Variants in UBA6 observed in about 807,000 individuals in gnomAD.
The protein encoded by UBA6 is ubiquitin-like modifier-activating enzyme 6.
In UBA6, 87 loss-of-function variants were observed where a neutral mutation model predicts 148.3. That is an observed-to-expected ratio of 0.59 (90% CI 0.49 to 0.70). The LOEUF (loss-of-function observed/expected upper bound fraction) is 0.70. UBA6 is among the 30% of genes least tolerant of loss of function. UBA6 has a pLI of 0.00. For missense variants in UBA6, 1,186 were observed against 1,241.2 expected, an observed-to-expected ratio of 0.96 and a Z score of 0.67; for synonymous variants, 376 against 401.0, an observed-to-expected ratio of 0.94 and a Z score of 0.75.
At chr4:67,651,229 T>C (rs1201283131) in intron 13 of UBA6, among the ~76,000 whole-genome samples, 3 of 151,918 alleles carry the variant, frequency 2.0e-5, no homozygotes, top group Non-Finnish European at 4.4e-5. Flanking sequence ...CTTGGCAACG[T>C]AGGGGAAAAA....
chr4:67,649,680 G>A lies in UBA6; in HGVS notation c.1105-469C>T, dbSNP rs1729506566. ...GTGTTGAAAGTTGTAAATAAAAACT[G>A]CAATTAATAATAACACAATACACTT... On this transcript the variant is annotated intron_variant, in intron 13 of 32. Transcript: ENST00000322244. Among the ~76,000 whole-genome samples the A allele has an allele frequency of 2.0e-5, 3 of 151,964 alleles. No individual in the cohort carries two copies. In the South Asian group the frequency reaches 6.2e-4, roughly 32 times the overall value.
Position 67,631,871 on chromosome 4 carries a change from C to T in UBA6, c.2180G>A (p.Arg727Gln), listed in dbSNP as rs200739751. The T allele has an allele frequency of 1.3e-4, 207 of 1,611,534 alleles. No individual in the cohort carries two copies. Among genetic ancestry groups the T allele is most frequent in the African/African-American group, 3.3e-4 (25 of 74,786 alleles). The change falls in exon 24 of 33, where the codon CGA becomes CAA. Residue 727 changes from arginine to glutamine, a missense_variant. Arg to Gln is a conservative substitution (Grantham distance 43). Coordinates refer to ENST00000322244, the MANE Select transcript of UBA6 (RefSeq NM_018227.6). ...QLLHCFPLDI[R>Q]LKDGSLFWQS... ...TTTATACTTACTGCCATCTTTTAAT[C>T]GTATGTCCAGAGGGAAACAGTGAAG...
In UBA6 at chr4:67,633,148, AT is replaced by A. The variant is rs1384340752; in HGVS notation, c.2142+196del. Among the ~76,000 whole-genome samples the A allele has an allele frequency of 7.9e-5, 12 of 152,188 alleles. 1 individual carries two copies. The highest frequency in any genetic ancestry group is 1.8e-4 in the Non-Finnish European group (12 of 67,990). On this transcript the variant is annotated intron_variant, in intron 23 of 32. Transcript: ENST00000322244. ...GCAAAATTTCTGACTAAATGTCCCT[AT>A]TTTCTCAGTTTCTTGCTTCTTCTAT...
At chr4:67,624,949 G>C (rs774995357) in intron 29 of UBA6, 45 bp downstream of exon 29, 2 of 1,514,190 alleles carry the variant, frequency 1.3e-6, no homozygotes, top group South Asian at 2.5e-5. Context: ...TCAGGGAAGA[G>C]GCAATGAAAA....
At chr4:67,650,408 A>G (rs1399169666) in intron 13 of UBA6, among the ~76,000 whole-genome samples, 1 of 151,986 alleles carries the variant, frequency 6.6e-6, no homozygotes, top group African/African-American at 2.4e-5. Flanking sequence ...AGGTTATGCA[A>G]CCTCCCAGGA....
Position 67,663,952 on chromosome 4 carries a change from TAGGA to T in UBA6, c.898-9_898-6del, listed in dbSNP as rs1729927375. 1 of 1,610,472 alleles carries T rather than the reference TAGGA, an allele frequency of 6.2e-7. No homozygotes were observed. Among genetic ancestry groups the T allele is most frequent in the East Asian group, 2.2e-5 (1 of 44,750 alleles). On this transcript the variant is annotated splice_polypyrimidine_tract_variant and splice_region_variant and intron_variant, in intron 10 of 32. Coordinates refer to ENST00000322244, the MANE Select transcript of UBA6 (RefSeq NM_018227.6). ...TAACTGCCTCTCCAGTGATTCCTGA[TAGGA>T]AGGAAAAAGTCATTACTTCAGAGTG... is the stretch of plus-strand genomic sequence containing the variant.
chr4:67,673,776 C>A lies in UBA6; in HGVS notation c.467G>T (p.Cys156Phe). The change falls in exon 7 of 33, where the codon TGT becomes TTT. Residue 156 changes from cysteine (C) to phenylalanine (F), a missense_variant and splice_region_variant. By Grantham distance (205) the Cys-to-Phe change is radical. Coordinates refer to ENST00000322244, the MANE Select transcript of UBA6 (RefSeq NM_018227.6). Reference protein sequence around the residue: ...TDLSFLDKYQCVVLTEMKLPL... With the variant: ...TDLSFLDKYQFVVLTEMKLPL... ...AAGTTTCATCTCAGTCAATACTACA[C>A]ACTGTTGAGAAAACAACAAATTAAA... is the stretch of plus-strand genomic sequence containing the variant. 6.2e-7 allele frequency: 1 copy of A among 1,601,726 alleles called. No homozygotes were observed. Among genetic ancestry groups the A allele is most frequent in the Non-Finnish European group, 8.5e-7 (1 of 1,172,666 alleles).
At chr4:67,659,397 G>C (rs1349921714) in intron 13 of UBA6, among the ~76,000 whole-genome samples, 2 of 152,024 alleles carry the variant, frequency 1.3e-5, no homozygotes, top group Non-Finnish European at 2.9e-5. Flanking sequence ...CTCCCATGCT[G>C]TTCTGATGAT....
chr4:67,691,259 T>C (rs1251239241), intron 2 of UBA6, among the ~76,000 whole-genome samples: 4 of 151,486 alleles, frequency 2.6e-5, no homozygotes, highest in Admixed American at 1.3e-4. Flanking sequence ...CCATAAAATA[T>C]ACACAAATTA....
rs1025798640 is a variant in UBA6 at position 67,677,017 on chromosome 4, G to A, written c.465+594C>T. The stretch of plus-strand genomic sequence containing the variant: ...ATAATAGATTGAACTACTGATCCAT[G>A]TATTTTTACTCCCCTGTAATTGTAC... On this transcript the variant is annotated intron_variant, in intron 6 of 32. Coordinates refer to ENST00000322244, the MANE Select transcript of UBA6 (RefSeq NM_018227.6). Among the ~76,000 whole-genome samples the A allele has an allele frequency of 2.6e-5, 4 of 152,054 alleles. No individual in the cohort carries two copies. In the East Asian group the frequency reaches 7.7e-4, roughly 29 times the overall value.
intron 2 of UBA6, among the ~76,000 whole-genome samples, chr4:67,684,810 C>A (rs929046200): frequency 1.3e-5 from 2 of 152,136 alleles, no homozygotes; most frequent in Non-Finnish European, 2.9e-5. Context: ...CTGTGCCTGG[C>A]ATGTAATAAT....
chr4:67,624,237 A>G lies in UBA6; in HGVS notation c.2729T>C (p.Ile910Thr). 1 of 1,608,612 alleles carries G rather than the reference A, an allele frequency of 6.2e-7. No homozygotes were observed. Among genetic ancestry groups the G allele is most frequent in the Non-Finnish European group, 8.5e-7 (1 of 1,177,906 alleles). ...TVSGLVALEMIKVTGGYPFEA... is the reference protein window; with the variant it reads ...TVSGLVALEMTKVTGGYPFEA... ...AAATGGATAGCCACCAGTTACTTTG[A>G]TCATCTCCAAGGCAACCTAGATAAA... The change falls in exon 30 of 33, where the codon ATC becomes ACC. Residue 910 changes from isoleucine to threonine, a missense_variant. Ile to Thr is a moderately conservative substitution (Grantham distance 89). Coordinates refer to ENST00000322244, the MANE Select transcript of UBA6 (RefSeq NM_018227.6).
intron 9 of UBA6, among the ~76,000 whole-genome samples, chr4:67,667,120 T>C (rs553370171): frequency 6.6e-6 from 1 of 152,142 alleles, no homozygotes; most frequent in Non-Finnish European, 1.5e-5. Context: ...AGCAGCCTCA[T>C]AATGTGAACT....
chr4:67,676,571 C>G (rs1245116571), intron 6 of UBA6, among the ~76,000 whole-genome samples: 1 of 152,106 alleles, frequency 6.6e-6, no homozygotes, highest in African/African-American at 2.4e-5. Flanking sequence ...AAGGGGAGGT[C>G]TCAATTCAAT....
rs1373298316 is a variant in UBA6, at chr4:67,621,515, T to C, written c.3023+1316A>G. Among the ~76,000 whole-genome samples the C allele has an allele frequency of 3.3e-5, 5 of 152,294 alleles. No homozygotes were observed. The East Asian group carries it at 9.7e-4, about 29-fold the overall frequency. Reference sequence around the variant, plus strand: ...TAGCAGGTAAATAGCTAATATACAGTACATGGGCCGGGCACAGTGGCTCAC... The same window carrying C: ...TAGCAGGTAAATAGCTAATATACAGCACATGGGCCGGGCACAGTGGCTCAC... On this transcript the variant is annotated intron_variant, in intron 32 of 32. Transcript: ENST00000322244.
chr4:67,614,553 C>G lies in UBA6; in HGVS notation c.*4444G>C, dbSNP rs1200643745. 1 of 152,076 alleles carries G rather than the reference C, an allele frequency of 6.6e-6. No homozygotes were observed. The highest frequency in any genetic ancestry group is 6.6e-5 in the Admixed American group (1 of 15,258). The allele number at this position is 152,076 out of a possible 1,614,324, so 9.4% of individuals were successfully genotyped here. A position where few individuals can be genotyped will look rare whatever the true frequency, so the allele number is the denominator to read the frequency against. On this transcript the variant is annotated 3_prime_UTR_variant, in exon 33 of 33. Coordinates refer to ENST00000322244, the MANE Select transcript of UBA6 (RefSeq NM_018227.6). ...TCAATAAACGGTAGTGAGGCATCTC[C>G]TAGCATACACCAAATTAATTCCTCA...
At position 67,623,199 on chromosome 4, in the gene UBA6, C is replaced by T. The variant is rs1728790697; in HGVS notation, c.2864G>A (p.Trp955Ter). The part of the protein sequence containing the change: ...KIRNGISFTI[W>*]DRWTVHGKED... ...TTTTCCATGTACGGTCCATCGATCC[C>T]AAATTGTAAATGATATTCCATTTCT... The change falls in exon 31 of 33, where the codon TGG becomes TAG. Residue 955 changes from tryptophan to a stop codon, truncating the protein, a stop_gained. Coordinates refer to ENST00000322244, the MANE Select transcript of UBA6 (RefSeq NM_018227.6). LOFTEE classifies it high-confidence loss of function. The T allele has an allele frequency of 6.2e-7, 1 of 1,611,784 alleles. No homozygotes were observed. Among genetic ancestry groups the T allele is most frequent in the Admixed American group, 1.7e-5 (1 of 59,868 alleles).
In UBA6 at chr4:67,692,803, C is replaced by T. The variant is rs566944897; in HGVS notation, c.134+3842G>A. Reference sequence around the variant, plus strand: ...CAAGGTACTCTATAGAAAGGATTGTCAATGCTATGGAAGAGAACCCCAAGA... The same window carrying T: ...CAAGGTACTCTATAGAAAGGATTGTTAATGCTATGGAAGAGAACCCCAAGA... On this transcript the variant is annotated intron_variant, in intron 2 of 32. Transcript: ENST00000322244. Among the ~76,000 whole-genome samples, 8 of 152,192 alleles carry T rather than the reference C, an allele frequency of 5.3e-5. No individual in the cohort carries two copies. The South Asian group carries it at 1.0e-3, about 20-fold the overall frequency.
chr4:67,666,905 CA>C (rs1232633086), intron 9 of UBA6, among the ~76,000 whole-genome samples: 1 of 151,718 alleles, frequency 6.6e-6, no homozygotes, highest in Non-Finnish European at 1.5e-5. Flanking sequence ...AACGAAAAAA[CA>C]AAAAAACAAA....
Sources: gnomAD v4.1 joint callset for allele counts (sites outside exome capture counted in the v4.1 genomes callset) on GRCh38, gnomAD v4.1.1 for gene constraint, MANE v1.5 for transcripts, NCBI Gene and HGNC (gene_info 2026-07-23, HGNC 2026-07-21) for gene names.